Variants in CADPS2 observed in about 807,000 individuals in gnomAD.
The protein encoded by CADPS2 is calcium dependent secretion activator 2.
Under a neutral mutation model 172.5 loss-of-function variants are expected in CADPS2, and 93 were observed. The observed-to-expected ratio is 0.54, with a 90% CI of 0.46 to 0.64. The LOEUF is 0.64. CADPS2 is among the 30% of genes least tolerant of loss of function. The probability of loss-of-function intolerance (pLI) is 0.00; values close to 1 mark genes in which losing one functional copy is unlikely to be tolerated. For missense variants in CADPS2, 1,420 were observed against 1,565.9 expected, an observed-to-expected ratio of 0.91 and a Z score of 1.57; for synonymous variants, 546 against 555.2, an observed-to-expected ratio of 0.98 and a Z score of 0.23.
chr7:122,541,903 A>C (rs1201850681), intron 8 of CADPS2, among the ~76,000 whole-genome samples: 5 of 146,686 alleles, frequency 3.4e-5, no homozygotes, highest in African/African-American at 1.2e-4. Flanking sequence ...ATATTTATAT[A>C]TTCATATATA....
intron 8 of CADPS2, among the ~76,000 whole-genome samples, chr7:122,538,302 T>C (rs989526183): frequency 7.3e-5 from 11 of 149,794 alleles, no homozygotes; most frequent in African/African-American, 2.4e-4. Flanking sequence ...TAAGCAGAGA[T>C]GTGAAATTTG....
intron 1 of CADPS2, among the ~76,000 whole-genome samples, chr7:122,819,748 C>T (rs753514391): frequency 9.9e-5 from 15 of 151,990 alleles, no homozygotes; most frequent in Non-Finnish European, 1.8e-4. Flanking sequence ...TATATCTCAT[C>T]GCCACCCTTC....
intron 8 of CADPS2, among the ~76,000 whole-genome samples, chr7:122,524,489 C>T (rs1193735084): frequency 6.6e-6 from 1 of 151,938 alleles, no homozygotes; most frequent in Admixed American, 6.6e-5. Flanking sequence ...CATCTGGATA[C>T]AAGGAGGTAC....
intron 1 of CADPS2, among the ~76,000 whole-genome samples, chr7:122,847,707 T>C (rs1325445768): frequency 6.6e-6 from 1 of 152,316 alleles, no homozygotes; most frequent in Non-Finnish European, 1.5e-5. Context: ...CTCACATTTC[T>C]AGAACATTGT....
intron 8 of CADPS2, among the ~76,000 whole-genome samples, chr7:122,514,869 G>A (rs2060244064): frequency 6.6e-6 from 1 of 152,130 alleles, no homozygotes; most frequent in South Asian, 2.1e-4. Flanking sequence ...CATGAAAAGA[G>A]TAGGATTCAA....
chr7:122,488,269 C>T (rs2058012991), intron 11 of CADPS2, among the ~76,000 whole-genome samples: 2 of 152,086 alleles, frequency 1.3e-5, no homozygotes, highest in Admixed American at 1.3e-4. Context: ...AAAGTTCTAC[C>T]CGGGGTTGAG....
chr7:122,480,646 A>C (rs2057178524), intron 12 of CADPS2, among the ~76,000 whole-genome samples: 1 of 152,150 alleles, frequency 6.6e-6, no homozygotes, highest in African/African-American at 2.4e-5. Flanking sequence ...TTGTGCCTGT[A>C]TGAATGGTAG....
intron 2 of CADPS2, among the ~76,000 whole-genome samples, chr7:122,729,290 C>T (rs147064835): frequency 1.8e-3 from 275 of 151,858 alleles, no homozygotes; most frequent in African/African-American, 5.8e-3. Context: ...TAGGTTGATT[C>T]CACATCTTTG....
At chr7:122,632,612 T>C (rs1323067824) in intron 3 of CADPS2, among the ~76,000 whole-genome samples, 7 of 152,210 alleles carry the variant, frequency 4.6e-5, no homozygotes, top group Non-Finnish European at 1.0e-4. Flanking sequence ...GTCAGATGCA[T>C]AGTTTGCAAA....
At chr7:122,763,206 C>A (rs1053048985) in intron 1 of CADPS2, among the ~76,000 whole-genome samples, 36 of 152,220 alleles carry the variant, frequency 2.4e-4, no homozygotes, top group Non-Finnish European at 4.7e-4. Context: ...TATTGCATAG[C>A]AACTCCCAAT....
At chr7:122,737,975 A>G (rs1049826206) in intron 1 of CADPS2, among the ~76,000 whole-genome samples, 3 of 152,184 alleles carry the variant, frequency 2.0e-5, no homozygotes, top group East Asian at 3.9e-4. Flanking sequence ...TTGAAGGAAT[A>G]ATAAGGAGAA....
intron 14 of CADPS2, among the ~76,000 whole-genome samples, chr7:122,465,696 G>A (rs1393145539): frequency 6.6e-6 from 1 of 152,012 alleles, no homozygotes; most frequent in Non-Finnish European, 1.5e-5. Context: ...GAAACCGGTC[G>A]CTGGTGCCAA....
At chr7:122,530,260 G>A (rs57466961) in intron 8 of CADPS2, among the ~76,000 whole-genome samples, 1 of 148,144 alleles carries the variant, frequency 6.8e-6, no homozygotes, top group African/African-American at 2.5e-5. Context: ...TTTCAATATA[G>A]TTTTCAACAA....
At chr7:122,660,507 A>C (rs1482022085) in intron 3 of CADPS2, among the ~76,000 whole-genome samples, 1 of 152,156 alleles carries the variant, frequency 6.6e-6, no homozygotes, top group African/African-American at 2.4e-5. Flanking sequence ...GGTAAAAGCT[A>C]CAAAGATTTT....
chr7:122,767,591 C>G (rs146653718), intron 1 of CADPS2, among the ~76,000 whole-genome samples: 2 of 152,154 alleles, frequency 1.3e-5, no homozygotes, highest in East Asian at 3.9e-4. Flanking sequence ...CAACAAAGGC[C>G]CTAATTCTGC....
intron 7 of CADPS2, among the ~76,000 whole-genome samples, chr7:122,576,269 A>G (rs1399520421): frequency 6.6e-6 from 1 of 152,166 alleles, no homozygotes; most frequent in Non-Finnish European, 1.5e-5. Flanking sequence ...TCAAATCATA[A>G]TAGAGAGCAT....
At chr7:122,591,402 C>T (rs934380614) in intron 6 of CADPS2, among the ~76,000 whole-genome samples, 2 of 152,022 alleles carry the variant, frequency 1.3e-5, no homozygotes, top group Non-Finnish European at 2.9e-5. Context: ...GTGAAAATGG[C>T]CATAATGCCC....
intron 28 of CADPS2, among the ~76,000 whole-genome samples, chr7:122,342,821 TAGCAAAAG>T (rs2036985922): frequency 6.6e-6 from 1 of 152,194 alleles, no homozygotes; most frequent in Non-Finnish European, 1.5e-5. Flanking sequence ...CTAATTGGAA[TAGCAAAAG>T]TTCGTCATGA....
chr7:122,710,295 T>C (rs1414902234), intron 2 of CADPS2, among the ~76,000 whole-genome samples: 1 of 152,094 alleles, frequency 6.6e-6, no homozygotes, highest in Non-Finnish European at 1.5e-5. Context: ...CCCTTTCTTA[T>C]TTGTTATATA....
Sources: gnomAD v4.1 joint callset for allele counts (sites outside exome capture counted in the v4.1 genomes callset) on GRCh38, gnomAD v4.1.1 for gene constraint, MANE v1.5 for transcripts, NCBI Gene and HGNC (gene_info 2026-07-23, HGNC 2026-07-21) for gene names.